Variants in ZNF879 observed in about 807,000 individuals in gnomAD.
The protein encoded by ZNF879 is zinc finger protein 879.
A neutral mutation model predicts 44.3 loss-of-function variants in ZNF879; 32 were observed. The observed-to-expected ratio is 0.72, with a 90% confidence interval of 0.54 to 0.97. The LOEUF is 0.97. Ranked by LOEUF, ZNF879 falls within the 50% of genes least tolerant of loss-of-function variation. ZNF879 has a pLI of 0.00. For missense variants in ZNF879, 621 were observed against 669.7 expected (o/e 0.93, Z 0.80); for synonymous variants, 234 against 233.2 (o/e 1.00, Z -0.03).
intron 4 of ZNF879, among the ~76,000 whole-genome samples, chr5:179,029,863 T>C (rs572730551): frequency 2.6e-5 from 4 of 152,348 alleles, no homozygotes; most frequent in East Asian, 3.9e-4. Context: ...CCTCAGTGAA[T>C]AGAGGCCTAC....
rs898303687 is a variant in ZNF879, at chr5:179,032,689, A to T, written c.741A>T (p.Leu247=). The T allele has an allele frequency of 6.4e-7, 1 of 1,561,394 alleles. No individual in the cohort carries two copies. The highest frequency in any genetic ancestry group is 1.4e-5 in the African/African-American group (1 of 73,084). The change falls in exon 5 of 5, where the codon CTA becomes CTT. Residue 247 remains leucine, a synonymous_variant. Transcript: ENST00000444149. ...AAGCCTTCAGCCAAAGCTCATCCCTAACTCAGCACTTGAGGGTTCATACAG... is the reference window on the plus strand; with the variant it reads ...AAGCCTTCAGCCAAAGCTCATCCCTTACTCAGCACTTGAGGGTTCATACAG... ...CRKAFSQSSS[L]TQHLRVHTGE... is the part of the protein sequence containing the mutation.
rs1458983314 is a variant in ZNF879 at position 179,034,616 on chromosome 5, T to C, written c.*976T>C. The C allele has an allele frequency of 2.0e-5, 3 of 152,216 alleles. No individual in the cohort carries two copies. Among genetic ancestry groups the C allele is most frequent in the Non-Finnish European group, 2.9e-5 (2 of 68,066 alleles). The allele number at this position is 152,216 out of a possible 1,614,324, so 9.4% of individuals were successfully genotyped here. A position where few individuals can be genotyped will look rare whatever the true frequency, so the allele number is the denominator to read the frequency against. The stretch of plus-strand genomic sequence containing the variant: ...TCGCCTTCATCAGACAAGGTTCACT[T>C]TCTCCCCACACTCTAAAGGTCACTG... On this transcript the variant is annotated 3_prime_UTR_variant, in exon 5 of 5. Coordinates refer to ENST00000444149, the MANE Select transcript of ZNF879 (RefSeq NM_001136116.3).
chr5:179,028,250 T>C (rs1484345963), intron 4 of ZNF879, 123 bp downstream of exon 4: 16 of 799,730 alleles, frequency 2.0e-5, no homozygotes, highest in South Asian at 1.6e-4. Context: ...GGAAGGTAGA[T>C]CCTTTCTCTT....
At chr5:179,024,918 G>A (rs1409391047) in intron 1 of ZNF879, 52 bp from the exon 2 acceptor site, 1 of 1,402,222 alleles carries the variant, frequency 7.1e-7, no homozygotes, top group Non-Finnish European at 9.9e-7. Flanking sequence ...CCTAATGAGG[G>A]TGGGCATGCA....
chr5:179,031,768 A>G (rs1761424586), intron 4 of ZNF879, among the ~76,000 whole-genome samples: 1 of 152,226 alleles, frequency 6.6e-6, no homozygotes, highest in Non-Finnish European at 1.5e-5. Flanking sequence ...CATTATTTAC[A>G]GCATTCTGAG....
At chr5:179,028,494 T>C (rs6601006) in intron 4 of ZNF879, among the ~76,000 whole-genome samples, 93,332 of 151,708 alleles carry the variant, frequency 0.62, 28,988 homozygotes, top group East Asian at 0.84. Context: ...TACAATACAT[T>C]CCTCATAGTT....
intron 3 of ZNF879, 56 bp downstream of exon 3, chr5:179,027,655 A>G (rs927946439): frequency 2.1e-5 from 34 of 1,584,734 alleles, no homozygotes; most frequent in Middle Eastern, 3.4e-4. Context: ...TAGCACCCTC[A>G]GGGGGCACAT....
Position 179,033,396 on chromosome 5 carries a change from C to G in ZNF879, c.1448C>G (p.Pro483Arg). 6.4e-7 allele frequency: 1 copy of G among 1,557,948 alleles called. No individual in the cohort carries two copies. Residue 483 changes from proline to arginine, a missense_variant, in exon 5 of 5, where the codon CCT becomes CGT. Physicochemically the swap from Pro to Arg is moderately radical, Grantham distance 103. Coordinates refer to ENST00000444149, the MANE Select transcript of ZNF879 (RefSeq NM_001136116.3). ...THRKIHTGEKPYKCNDCEKAF... is the reference protein window; with the variant it reads ...THRKIHTGEKRYKCNDCEKAF... ...CGAAAAATTCATACTGGAGAAAAAC[C>G]TTATAAATGTAATGACTGTGAGAAA...
Position 179,033,752 on chromosome 5 carries a change from A to T in ZNF879, c.*112A>T. ...AGTAGTTAATCATAGGTAAAACTTC[A>T]GCATTAGACCTCATCACACATCAGA... On this transcript the variant is annotated 3_prime_UTR_variant, in exon 5 of 5. Transcript: ENST00000444149. 1.3e-6 allele frequency: 1 copy of T among 763,508 alleles called. No homozygotes were observed. Among genetic ancestry groups the T allele is most frequent in the East Asian group, 2.7e-5 (1 of 36,408 alleles). 47.3% of individuals were successfully genotyped at this position (763,508 alleles called of 1,614,324 possible).
intron 3 of ZNF879, 82 bp from the exon 4 acceptor site, chr5:179,027,950 A>T (rs1761314563): frequency 8.3e-7 from 1 of 1,207,502 alleles, no homozygotes; most frequent in Non-Finnish European, 1.2e-6. Flanking sequence ...CCTTCCCTGT[A>T]CTGCCCCTCT....
chr5:179,026,511 C>A (rs1016827795), intron 2 of ZNF879, among the ~76,000 whole-genome samples: 2 of 152,122 alleles, frequency 1.3e-5, no homozygotes, highest in African/African-American at 4.8e-5. Context: ...GAGACAGGAT[C>A]TTACTCTGTT....
At chr5:179,027,663 C>T (rs1258209621) in intron 3 of ZNF879, 64 bp downstream of exon 3, 1 of 1,577,192 alleles carries the variant, frequency 6.3e-7, no homozygotes, top group Admixed American at 1.8e-5. Flanking sequence ...TCAGGGGGCA[C>T]ATTTGGAGGG....
At position 179,032,917 on chromosome 5, in the gene ZNF879, G is replaced by T; in HGVS notation, c.969G>T (p.Arg323Ser). 1.9e-6 allele frequency: 3 copies of T among 1,568,730 alleles called. No individual in the cohort carries two copies. The highest frequency in any genetic ancestry group is 2.6e-6 in the Non-Finnish European group (3 of 1,156,854). ...CCTATAAGTGTAATGAATGTGGGAG[G>T]GCCTTCAGTCAGTGCTCATCTCTCA... ...EKPYKCNECG[R>S]AFSQCSSLIQ... The change falls in exon 5 of 5, where the codon AGG (arginine) becomes AGT (serine). Residue 323 changes from arginine (R) to serine (S), a missense_variant. Arg to Ser is a moderately radical substitution (Grantham distance 110). Transcript: ENST00000444149.
intron 1 of ZNF879, chr5:179,024,686 C>CCTGAT (rs1761210777): frequency 2.8e-6 from 1 of 363,118 alleles, no homozygotes; most frequent in African/African-American, 2.0e-5. Flanking sequence ...ATGAGCCTTG[C>CCTGAT]CTGATTCTGC....
rs1290611458 is a variant in ZNF879 at position 179,033,505 on chromosome 5, A to G, written c.1557A>G (p.Lys519=). 6 of 1,559,472 alleles carry G rather than the reference A, an allele frequency of 3.8e-6. No homozygotes were observed. Among genetic ancestry groups the G allele is most frequent in the East Asian group, 4.8e-5 (2 of 41,368 alleles). Residue 519 remains lysine, a synonymous_variant, in exon 5 of 5, where the codon AAA becomes AAG. Coordinates refer to ENST00000444149, the MANE Select transcript of ZNF879 (RefSeq NM_001136116.3). ...EKPYNCKVCG[K]AFRQSSSLMT... ...CATATAATTGTAAAGTGTGTGGGAA[A>G]GCCTTCAGACAGAGTTCATCCCTTA...
At chr5:179,024,860 G>A in intron 1 of ZNF879, 110 bp from the exon 2 acceptor site, 1 of 841,728 alleles carries the variant, frequency 1.2e-6, no homozygotes. Flanking sequence ...GGCAGTTCCA[G>A]GCTCCTTCTC....
intron 2 of ZNF879, 112 bp downstream of exon 2, chr5:179,025,149 G>C (rs28707602): frequency 5.1e-6 from 6 of 1,185,356 alleles, no homozygotes; most frequent in Non-Finnish European, 4.8e-6. Flanking sequence ...GGACCAGAGG[G>C]CTTGGTAGCT....
rs1197633593 is a variant in ZNF879 at position 179,032,830 on chromosome 5, A to T, written c.882A>T (p.Gly294=). 1.3e-6 allele frequency: 2 copies of T among 1,556,072 alleles called. No individual in the cohort carries two copies. Among genetic ancestry groups the T allele is most frequent in the South Asian group, 2.4e-5 (2 of 84,426 alleles). ...GACCTTATAAATGCAAGGAATGTGGAAAAACATTTAAAGGTAGTTCATCTC... is the reference window on the plus strand; with the variant it reads ...GACCTTATAAATGCAAGGAATGTGGTAAAACATTTAAAGGTAGTTCATCTC... ...GERPYKCKEC[G]KTFKGSSSLN... The change falls in exon 5 of 5, where the codon GGA becomes GGT. Residue 294 remains glycine, a synonymous_variant. Coordinates refer to ENST00000444149, the MANE Select transcript of ZNF879 (RefSeq NM_001136116.3).
In ZNF879 at chr5:179,033,196, A is replaced by G; in HGVS notation, c.1248A>G (p.Ile416Met). Residue 416 changes from isoleucine to methionine, a missense_variant, in exon 5 of 5, where the codon ATA becomes ATG. By Grantham distance (10) the Ile-to-Met change is conservative (BLOSUM62 1). Transcript: ENST00000444149. The part of the protein sequence containing the change: ...GKAFSQSSAL[I>M]QHQRIHTGEK... ...CCTTCAGCCAAAGCTCAGCTCTCAT[A>G]CAACATCAAAGAATTCACACTGGAG... 1 of 1,594,946 alleles carries G rather than the reference A, an allele frequency of 6.3e-7. No individual in the cohort carries two copies. Among genetic ancestry groups the G allele is most frequent in the Non-Finnish European group, 8.5e-7 (1 of 1,170,454 alleles).
Sources: gnomAD v4.1 joint callset for allele counts (sites outside exome capture counted in the v4.1 genomes callset) on GRCh38, gnomAD v4.1.1 for gene constraint, MANE v1.5 for transcripts, NCBI Gene and HGNC (gene_info 2026-07-23, HGNC 2026-07-21) for gene names.